CACNA1C: variants seen among roughly 807,000 people sequenced by gnomAD.
CACNA1C encodes calcium voltage-gated channel subunit alpha1 C.
A neutral mutation model predicts 229.0 loss-of-function variants in CACNA1C; 30 were observed. That is an observed-to-expected ratio of 0.13 (90% CI 0.10 to 0.18). CACNA1C has a LOEUF of 0.18. CACNA1C is among the 10% of genes least tolerant of loss of function. CACNA1C has a pLI of 1.00. For synonymous variants in CACNA1C, 1,114 were observed against 1,132.5 expected (o/e 0.98, Z 0.33); for missense variants, 1,658 against 2,845.0 (o/e 0.58, Z 9.49).
intron 5 of CACNA1C, among the ~76,000 whole-genome samples, chr12:2,475,095 C>G (rs907453726): frequency 1.3e-5 from 2 of 151,972 alleles, no homozygotes; most frequent in Non-Finnish European, 1.5e-5. Context: ...GTCAGGAGAT[C>G]GAGACCATCC....
intron 4 of CACNA1C, among the ~76,000 whole-genome samples, chr12:2,454,622 G>T (rs1279259039): frequency 6.6e-6 from 1 of 152,134 alleles, no homozygotes; most frequent in Non-Finnish European, 1.5e-5. Flanking sequence ...CTTGGTACCT[G>T]GAAAGGGTCA....
intron 3 of CACNA1C, among the ~76,000 whole-genome samples, chr12:2,165,528 T>G (rs536141449): frequency 7.4e-4 from 113 of 152,242 alleles, no homozygotes; most frequent in Non-Finnish European, 1.5e-3. Context: ...CTTTGAGTGC[T>G]TGGAAAGTCA....
In CACNA1C at chr12:2,581,796, A is replaced by G; in HGVS notation, c.2102A>G (p.Gln701Arg). The G allele has an allele frequency of 6.3e-7, 1 of 1,575,320 alleles. No individual in the cohort carries two copies. Residue 701 changes from glutamine to arginine, a missense_variant and splice_region_variant, in exon 14 of 47, where the codon CAG becomes CGG. Around this residue, in one of 20 missense-constraint regions of CACNA1C, gnomAD observed 30 missense variants for 73.2 expected, o/e 0.41. Transcript: ENST00000399655. The part of the protein sequence containing the change: ...NFPQSLLTVF[Q>R]ILTGEDWNSV... The stretch of plus-strand genomic sequence containing the variant: ...CCCCAGTCCCTCCTCACTGTGTTTC[A>G]GGTATGGACTCTTCTCTGCTGGGAT...
At chr12:2,109,581 T>C (rs1430490984) in intron 1 of CACNA1C, among the ~76,000 whole-genome samples, 1 of 152,142 alleles carries the variant, frequency 6.6e-6, no homozygotes, top group Non-Finnish European at 1.5e-5. Flanking sequence ...GTGCAGGTGT[T>C]GTAAGCTGTT....
chr12:2,540,823 G>T (rs1211401027), intron 9 of CACNA1C, among the ~76,000 whole-genome samples: 1 of 152,228 alleles, frequency 6.6e-6, no homozygotes, highest in Non-Finnish European at 1.5e-5. Flanking sequence ...CAGGACATGA[G>T]AGAGAACCGA....
chr12:2,605,802 C>T lies in CACNA1C; in HGVS notation c.3156+16C>T, dbSNP rs763095185. ...GCTCTTCAAGGTAAAGTCTGGGCTCCGTTGTGGTCCTCCTACCTCCCCTCC... is the reference window on the plus strand; with the variant it reads ...GCTCTTCAAGGTAAAGTCTGGGCTCTGTTGTGGTCCTCCTACCTCCCCTCC... On this transcript the variant is annotated intron_variant, in intron 24 of 46. Transcript: ENST00000399655. This position sits in a 1 kb window ranked among gnomAD's most constrained non-coding sequence, Gnocchi z 6.2. 8 of 1,532,956 alleles carry T rather than the reference C, an allele frequency of 5.2e-6. No homozygotes were observed. Among genetic ancestry groups the T allele is most frequent in the Middle Eastern group, 1.7e-4 (1 of 5,924 alleles). 95.0% of individuals were successfully genotyped at this position (1,532,956 alleles called of 1,614,324 possible).
intron 3 of CACNA1C, among the ~76,000 whole-genome samples, chr12:2,284,293 A>ATT (rs35238168): frequency 2.0e-4 from 28 of 139,852 alleles, no homozygotes; most frequent in African/African-American, 5.5e-4. Flanking sequence ...AGACCTCTAG[A>ATT]TTTTTTTTTT....
intron 1 of CACNA1C, among the ~76,000 whole-genome samples, chr12:2,027,507 C>T (rs532150862): frequency 2.0e-5 from 3 of 152,184 alleles, no homozygotes; most frequent in Non-Finnish European, 4.4e-5. Flanking sequence ...GTCTTGGCCT[C>T]TGAGTTATGG....
At chr12:2,182,836 C>T (rs1185556636) in intron 3 of CACNA1C, among the ~76,000 whole-genome samples, 1 of 152,022 alleles carries the variant, frequency 6.6e-6, no homozygotes, top group Non-Finnish European at 1.5e-5. Context: ...GGAAGGGGCG[C>T]GTGTGCAGAC....
intron 3 of CACNA1C, among the ~76,000 whole-genome samples, chr12:2,204,456 T>G (rs1324746473): frequency 1.3e-5 from 2 of 151,510 alleles, no homozygotes; most frequent in Admixed American, 6.6e-5. Context: ...TATACCCAAA[T>G]GACTATAAAT....
At chr12:2,564,060 T>A (rs1443466441) in intron 11 of CACNA1C, among the ~76,000 whole-genome samples, 1 of 152,150 alleles carries the variant, frequency 6.6e-6, no homozygotes, top group Non-Finnish European at 1.5e-5. Flanking sequence ...GGACTGTGAT[T>A]TAGAATGGAG....
At chr12:2,212,075 C>T (rs993179972) in intron 3 of CACNA1C, among the ~76,000 whole-genome samples, 1 of 152,174 alleles carries the variant, frequency 6.6e-6, no homozygotes, top group Non-Finnish European at 1.5e-5. Context: ...GAGGCAGGAG[C>T]TGGTATTTGG....
chr12:2,665,510 G>T lies in CACNA1C; in HGVS notation c.4399-71G>T. ...CTTCTGCCATCAGTAGGCCCCAGCT[G>T]GCAAGGGGGTTCCAGAGGCAGGTGT... is the stretch of plus-strand genomic sequence containing the variant. On this transcript the variant is annotated intron_variant, in intron 35 of 46. Coordinates refer to ENST00000399655, the MANE Select transcript of CACNA1C (RefSeq NM_000719.7). This position sits in a 1 kb window ranked among gnomAD's most constrained non-coding sequence, Gnocchi z 5.9. The T allele has an allele frequency of 6.4e-7, 1 of 1,571,620 alleles. No homozygotes were observed. Among genetic ancestry groups the T allele is most frequent in the Admixed American group, 1.7e-5 (1 of 58,906 alleles).
At chr12:1,981,739 G>A (rs1418997082) in intron 1 of CACNA1C, among the ~76,000 whole-genome samples, 1 of 152,170 alleles carries the variant, frequency 6.6e-6, no homozygotes, top group Non-Finnish European at 1.5e-5. Context: ...CATATATGCT[G>A]CAGTGAGACA....
intron 1 of CACNA1C, among the ~76,000 whole-genome samples, chr12:2,016,499 G>C (rs1430657821): frequency 1.3e-5 from 2 of 151,668 alleles, no homozygotes; most frequent in Non-Finnish European, 2.9e-5. Flanking sequence ...GCACGATTTT[G>C]GCTCACTGCA....
intron 3 of CACNA1C, among the ~76,000 whole-genome samples, chr12:2,290,525 T>C (rs746771237): frequency 1.3e-5 from 2 of 152,308 alleles, no homozygotes; most frequent in Non-Finnish European, 1.5e-5. Context: ...AGAAATGATC[T>C]GTGACAAAGG....
chr12:2,118,841 C>A (rs940932242), intron 2 of CACNA1C, among the ~76,000 whole-genome samples: 4 of 152,242 alleles, frequency 2.6e-5, no homozygotes, highest in Admixed American at 2.6e-4. Flanking sequence ...GGCTGCTTTA[C>A]TTTTCACCCC....
chr12:2,651,178 A>G lies in CACNA1C; in HGVS notation c.3946-462A>G, dbSNP rs216043. ...GGAGAGAGGCCAGCCACCAACCCACATCCTCGGAGAGTGCTGGGCTCCACT... is the reference window on the plus strand; with the variant it reads ...GGAGAGAGGCCAGCCACCAACCCACGTCCTCGGAGAGTGCTGGGCTCCACT... On this transcript the variant is annotated intron_variant, in intron 31 of 46. Coordinates refer to ENST00000399655, the MANE Select transcript of CACNA1C (RefSeq NM_000719.7). The surrounding 1 kb of genome is among the most constrained non-coding windows in gnomAD (Gnocchi z 5.4). The G allele has an allele frequency of 0.9, 147,126 of 162,948 alleles. 68,270 individuals are homozygous for G. The highest frequency in any genetic ancestry group is 1 in the East Asian group (5,622 of 5,626). The allele number at this position is 162,948 out of a possible 1,614,324, so 10.1% of individuals were successfully genotyped here. A position where few individuals can be genotyped will look rare whatever the true frequency, so the allele number is the denominator to read the frequency against.
intron 3 of CACNA1C, among the ~76,000 whole-genome samples, chr12:2,432,581 G>A (rs1303130505): frequency 1.3e-5 from 2 of 152,200 alleles, no homozygotes; most frequent in Non-Finnish European, 2.9e-5. Flanking sequence ...GGGAGTTGGA[G>A]CAAGGCCAGG....
Sources: allele counts gnomAD v4.1 joint callset (sites outside exome capture counted in the v4.1 genomes callset), GRCh38; gene constraint gnomAD v4.1.1; regional missense constraint gnomAD v4.1.1; non-coding constraint Gnocchi (gnomAD v3.1); transcripts MANE v1.5; gene names NCBI Gene and HGNC (gene_info 2026-07-23, HGNC 2026-07-21).